PAN3: variants seen among roughly 807,000 people sequenced by gnomAD.
PAN3 encodes the protein PAN2-PAN3 deadenylation complex subunit PAN3.
A neutral mutation model predicts 96.2 loss-of-function variants in PAN3; 19 were observed. The observed-to-expected ratio is 0.20, with a 90% CI of 0.14 to 0.29. The LOEUF is 0.29. Ranked by LOEUF, PAN3 falls within the 10% of genes least tolerant of loss-of-function variation. The pLI is 1.00. For missense variants in PAN3, 882 were observed against 1,108.1 expected (o/e 0.80, Z 2.90); for synonymous variants, 433 against 406.6 (o/e 1.06, Z -0.78).
At chr13:28,149,824 C>T (rs867111140) in intron 1 of PAN3, among the ~76,000 whole-genome samples, 2 of 151,970 alleles carry the variant, frequency 1.3e-5, no homozygotes, top group South Asian at 4.2e-4. Context: ...GCTGTGTTGC[C>T]CAGGATGGTC....
intron 9 of PAN3, among the ~76,000 whole-genome samples, chr13:28,263,418 C>T (rs891739906): frequency 2.6e-5 from 4 of 152,214 alleles, no homozygotes; most frequent in Admixed American, 6.5e-5. Flanking sequence ...CTGCAACCTC[C>T]GCCTCCTGGG....
rs182585205 is a variant in PAN3 at position 28,273,991 on chromosome 13, G to A, written c.2049+1920G>A. On this transcript the variant is annotated intron_variant, in intron 14 of 18. Transcript: ENST00000380958. ...GTTCATGCATAAATCTGTTTTGCTC[G>A]TAAACCACAGAGAATACAGTCCCAA... Among the ~76,000 whole-genome samples the A allele has an allele frequency of 2.5e-3, 375 of 152,272 alleles. 3 individuals are homozygous for A. Among genetic ancestry groups the A allele is most frequent in the African/African-American group, 8.6e-3 (359 of 41,554 alleles).
At chr13:28,234,853 A>G (rs925956779) in intron 6 of PAN3, among the ~76,000 whole-genome samples, 4 of 152,032 alleles carry the variant, frequency 2.6e-5, no homozygotes, top group Non-Finnish European at 5.9e-5. Context: ...TGGCTTTCAT[A>G]TTATATCTAT....
At chr13:28,219,674 A>G (rs911022205) in intron 5 of PAN3, among the ~76,000 whole-genome samples, 1 of 152,260 alleles carries the variant, frequency 6.6e-6, no homozygotes, top group African/African-American at 2.4e-5. Flanking sequence ...ATGGTACTGC[A>G]TGGGCATTAG....
rs558035720 is a variant in PAN3, at chr13:28,194,686, T to C, written c.691-2499T>C. 1.9e-3 allele frequency among the ~76,000 whole-genome samples: 295 copies of C among 151,936 alleles called. 1 individual carries two copies. The highest frequency in any genetic ancestry group is 4.5e-3 in the Admixed American group (68 of 15,220). Reference sequence around the variant, plus strand: ...TGTTTCACCTTGTTGCTCAGTCTGGTCTTGAACTCCTGAGCTCAGGCAATC... The same window carrying C: ...TGTTTCACCTTGTTGCTCAGTCTGGCCTTGAACTCCTGAGCTCAGGCAATC... On this transcript the variant is annotated intron_variant, in intron 4 of 18. Coordinates refer to ENST00000380958, the MANE Select transcript of PAN3 (RefSeq NM_175854.8).
chr13:28,230,589 T>C (rs1200026249), intron 6 of PAN3, among the ~76,000 whole-genome samples: 1 of 152,142 alleles, frequency 6.6e-6, no homozygotes, highest in African/African-American at 2.4e-5. Flanking sequence ...AACAACTAAA[T>C]TGTTGTTAAT....
At chr13:28,250,149 G>A (rs539157723) in intron 6 of PAN3, among the ~76,000 whole-genome samples, 1 of 150,026 alleles carries the variant, frequency 6.7e-6, no homozygotes, top group Non-Finnish European at 1.5e-5. Context: ...TTTGTCTTTC[G>A]CATGCTGCAT....
intron 14 of PAN3, among the ~76,000 whole-genome samples, chr13:28,274,267 A>T (rs1193420102): frequency 6.6e-6 from 1 of 151,994 alleles, no homozygotes; most frequent in Non-Finnish European, 1.5e-5. Context: ...TTTCATTCTT[A>T]TCTTCTCTCT....
chr13:28,263,103 A>G (rs528910167), intron 9 of PAN3, among the ~76,000 whole-genome samples: 30 of 152,294 alleles, frequency 2.0e-4, no homozygotes, highest in African/African-American at 7.0e-4. Flanking sequence ...CATCCAAGGT[A>G]CTTTGAAGAG....
chr13:28,167,105 AGAGAT>A (rs1243364215), intron 1 of PAN3, among the ~76,000 whole-genome samples: 3 of 66,480 alleles, frequency 4.5e-5, no homozygotes, highest in Non-Finnish European at 8.3e-5. Flanking sequence ...TTTTTTTTTT[AGAGAT>A]GAGGCCTCGC....
At position 28,261,319 on chromosome 13, in the gene PAN3, T is replaced by A. The variant is rs1021863688; in HGVS notation, c.1354-82T>A. On this transcript the variant is annotated intron_variant, in intron 8 of 18. Coordinates refer to ENST00000380958, the MANE Select transcript of PAN3 (RefSeq NM_175854.8). Reference sequence around the variant, plus strand: ...AAAGTGCATATGCCAAAAATATTAATACTTAGGTTATTTAATTATAATAGG... The same window carrying A: ...AAAGTGCATATGCCAAAAATATTAAAACTTAGGTTATTTAATTATAATAGG... The A allele has an allele frequency of 1.2e-5, 11 of 948,886 alleles. No homozygotes were observed. In the African/African-American group the frequency reaches 1.7e-4, roughly 15 times the overall value. The allele number at this position is 948,886 out of a possible 1,614,324, so 58.8% of individuals were successfully genotyped here.
chr13:28,202,292 T>C (rs1878809249), intron 5 of PAN3, among the ~76,000 whole-genome samples: 1 of 152,246 alleles, frequency 6.6e-6, no homozygotes, highest in Admixed American at 6.5e-5. Flanking sequence ...TTTCCTGCTA[T>C]ATTATCTGTC....
At chr13:28,254,209 C>CAACCTGAGTTTGAGTCTTGATT (rs1884964521) in intron 6 of PAN3, among the ~76,000 whole-genome samples, 1 of 152,178 alleles carries the variant, frequency 6.6e-6, no homozygotes, top group Admixed American at 6.5e-5. Flanking sequence ...GGAATTAAAT[C>CAACCTGAGTTTGAGTCTTGATT]AACCTGAGTT....
At chr13:28,139,946 TG>T (rs1248928987) in intron 1 of PAN3, among the ~76,000 whole-genome samples, 2 of 146,900 alleles carry the variant, frequency 1.4e-5, no homozygotes, top group Non-Finnish European at 3.1e-5. Flanking sequence ...GTGTTGTTGT[TG>T]TTGTTGTTGT....
At chr13:28,139,510 GTGTT>G (rs1278649492) in intron 1 of PAN3, among the ~76,000 whole-genome samples, 33 of 135,838 alleles carry the variant, frequency 2.4e-4, no homozygotes, top group African/African-American at 9.2e-4. Context: ...GGGGAGGGGT[GTGTT>G]TGTGTGTGTG....
intron 6 of PAN3, among the ~76,000 whole-genome samples, chr13:28,253,900 C>CTA (rs1884939905): frequency 6.6e-6 from 1 of 152,204 alleles, no homozygotes; most frequent in South Asian, 2.1e-4. Flanking sequence ...TCTTGATACC[C>CTA]TATAGTAAAT....
intron 1 of PAN3, among the ~76,000 whole-genome samples, chr13:28,145,370 G>A (rs1442561825): frequency 1.3e-5 from 2 of 151,996 alleles, no homozygotes; most frequent in Non-Finnish European, 2.9e-5. Flanking sequence ...TATCACCCAT[G>A]CTGGAGTGCA....
chr13:28,238,200 A>G (rs1320895081), intron 6 of PAN3, among the ~76,000 whole-genome samples: 1 of 152,222 alleles, frequency 6.6e-6, no homozygotes, highest in East Asian at 1.9e-4. Context: ...AGGCTGCAGC[A>G]CTTTTCTTAG....
chr13:28,277,954 A>G lies in PAN3; in HGVS notation c.2189+578A>G, dbSNP rs377152635. Among the ~76,000 whole-genome samples the G allele has an allele frequency of 3.9e-5, 6 of 152,366 alleles. No individual in the cohort carries two copies. In the East Asian group the frequency reaches 1.2e-3, roughly 29 times the overall value. ...GAGAATCCTTGAGTATCGATTTGAG[A>G]TGAATTTGGCTTAAGAGAAACCCAT... is the stretch of plus-strand genomic sequence containing the variant. On this transcript the variant is annotated intron_variant, in intron 15 of 18. Coordinates refer to ENST00000380958, the MANE Select transcript of PAN3 (RefSeq NM_175854.8).
Sources: allele counts gnomAD v4.1 joint callset (sites outside exome capture counted in the v4.1 genomes callset), GRCh38; gene constraint gnomAD v4.1.1; transcripts MANE v1.5; gene names NCBI Gene and HGNC (gene_info 2026-07-23, HGNC 2026-07-21).